OR10K2: variants seen among roughly 807,000 people sequenced by gnomAD.
The protein encoded by OR10K2 is olfactory receptor 10K2.
For synonymous variants in OR10K2, 169 were observed against 146.4 expected, an observed-to-expected ratio of 1.15 and a Z score of -1.11; for missense variants, 401 against 367.1, an observed-to-expected ratio of 1.09 and a Z score of -0.76.
At chr1:158,422,054 C>T (rs1655167387) in intron 1 of OR10K2, among the ~76,000 whole-genome samples, 1 of 152,086 alleles carries the variant, frequency 6.6e-6, no homozygotes. Context: ...TCAGAACTCA[C>T]ATAAGACATT....
At chr1:158,425,228 G>A (rs539637766) in intron 1 of OR10K2, among the ~76,000 whole-genome samples, 1 of 152,176 alleles carries the variant, frequency 6.6e-6, no homozygotes, top group South Asian at 2.1e-4. Context: ...CAGAGTCACA[G>A]TTACAGCTGT....
chr1:158,422,380 A>G (rs1449888604), intron 1 of OR10K2, among the ~76,000 whole-genome samples: 1 of 152,116 alleles, frequency 6.6e-6, no homozygotes, highest in East Asian at 1.9e-4. Flanking sequence ...GCTCAGTGTC[A>G]AGAATGCTAA....
rs1299336127 is a variant in OR10K2, at chr1:158,420,157, G to A, written c.710C>T (p.Ala237Val). The A allele has an allele frequency of 1.4e-5, 22 of 1,613,536 alleles. 1 individual carries two copies. Among genetic ancestry groups the A allele is most frequent in the South Asian group, 3.3e-5 (3 of 91,076 alleles). ...QFPSTLGRCK[A>V]FSTCVSHLII... is the part of the protein sequence containing the mutation. The stretch of plus-strand genomic sequence containing the variant: ...GAGGTGAGATACACAGGTAGAAAAA[G>A]CTTTGCACCTACCCAGTGTGGAAGG... The change falls in exon 2 of 2, where the codon GCT becomes GTT. Residue 237 changes from alanine to valine, a missense_variant. Physicochemically the swap from Ala to Val is moderately conservative, Grantham distance 64. Transcript: ENST00000641042.
Position 158,420,841 on chromosome 1 carries a change from A to T in OR10K2, c.26T>A (p.Val9Glu). 6.2e-7 allele frequency: 1 copy of T among 1,613,446 alleles called. No homozygotes were observed. Among genetic ancestry groups the T allele is most frequent in the Admixed American group, 1.7e-5 (1 of 59,872 alleles). Residue 9 changes from valine (V) to glutamate (E), a missense_variant, in exon 2 of 2, where the codon GTG (valine) becomes GAG (glutamate). By Grantham distance (121) the Val-to-Glu change is moderately radical. Coordinates refer to ENST00000641042, the MANE Select transcript of OR10K2 (RefSeq NM_001004476.2). MERVNETV[V>E]REVIFLGFSS... is the part of the protein sequence containing the mutation. ...GAAGCCGAGGAAGATGACCTCTCTC[A>T]CCACAGTCTCATTGACCCGCTCCAT...
intron 1 of OR10K2, among the ~76,000 whole-genome samples, chr1:158,425,259 C>T (rs1304919515): frequency 1.3e-5 from 2 of 152,128 alleles, no homozygotes; most frequent in East Asian, 3.9e-4. Context: ...AAAGATCTAG[C>T]TTAGTAGTTT....
Position 158,419,885 on chromosome 1 carries a change from T to A in OR10K2, c.*43A>T. 1 of 1,544,764 alleles carries A rather than the reference T, an allele frequency of 6.5e-7. No homozygotes were observed. The highest frequency in any genetic ancestry group is 8.8e-7 in the Non-Finnish European group (1 of 1,134,826). On this transcript the variant is annotated 3_prime_UTR_variant, in exon 2 of 2. Transcript: ENST00000641042. Reference sequence around the variant, plus strand: ...TCTCAGCCTTCCAAAATGCTGGGATTACAGTCGTGAGAAACTGCACCTGGC... The same window carrying A: ...TCTCAGCCTTCCAAAATGCTGGGATAACAGTCGTGAGAAACTGCACCTGGC...
At chr1:158,421,876 A>G (rs1223743672) in intron 1 of OR10K2, among the ~76,000 whole-genome samples, 1 of 152,060 alleles carries the variant, frequency 6.6e-6, no homozygotes, top group African/African-American at 2.4e-5. Context: ...GGGATGTATC[A>G]CTATTGCCCA....
At position 158,426,080 on chromosome 1, in the gene OR10K2, T is replaced by G; in HGVS notation, c.-209A>C. On this transcript the variant is annotated 5_prime_UTR_variant, in exon 1 of 2. Transcript: ENST00000641042. The stretch of plus-strand genomic sequence containing the variant: ...GAGTGCTTCCATTTTTCTCTGCCTC[T>G]CCCTAAGAGAAGCCAGGGACATAGA... 1 of 152,084 alleles carries G rather than the reference T, an allele frequency of 6.6e-6. No homozygotes were observed. The highest frequency in any genetic ancestry group is 1.9e-4 in the East Asian group (1 of 5,178). 9.4% of individuals were successfully genotyped at this position (152,084 alleles called of 1,614,324 possible).
intron 1 of OR10K2, among the ~76,000 whole-genome samples, chr1:158,423,938 A>G (rs1433387834): frequency 6.6e-6 from 1 of 152,070 alleles, no homozygotes; most frequent in Non-Finnish European, 1.5e-5. Context: ...TCTAAGCACT[A>G]TAGATATAAT....
chr1:158,424,133 T>C (rs1250237916), intron 1 of OR10K2, among the ~76,000 whole-genome samples: 1 of 152,090 alleles, frequency 6.6e-6, no homozygotes, highest in East Asian at 1.9e-4. Flanking sequence ...GTAAGAATTT[T>C]AATAAAAGTA....
chr1:158,424,757 G>GTGTGTGTGTGTGTGT (rs1655219135), intron 1 of OR10K2, among the ~76,000 whole-genome samples: 4 of 150,754 alleles, frequency 2.7e-5, no homozygotes, highest in Non-Finnish European at 4.4e-5. Flanking sequence ...GTGTGTGTGT[G>GTGTGTGTGTGTGTGT]GTGAGAAAGG....
Position 158,420,018 on chromosome 1 carries a change from T to C in OR10K2, c.849A>G (p.Pro283=), listed in dbSNP as rs762970187. The C allele has an allele frequency of 3.1e-6, 5 of 1,613,368 alleles. No homozygotes were observed. The highest frequency in any genetic ancestry group is 1.1e-5 in the South Asian group (1 of 91,066). The stretch of plus-strand genomic sequence containing the variant: ...AGCTATAAATCATTGGGTTGAACAA[T>C]GGAGTTATAATAGTGTAGGATACTG... ...LISVSYTIIT[P]LFNPMIYSLR... Residue 283 remains proline, a synonymous_variant, in exon 2 of 2, where the codon CCA becomes CCG. Transcript: ENST00000641042.
rs764388026 is a variant in OR10K2 at position 158,420,350 on chromosome 1, G to C, written c.517C>G (p.Gln173Glu). Reference protein sequence around the residue: ...VFHLPFYSSNQLHHFFCDIAP... With the variant: ...VFHLPFYSSNELHHFFCDIAP... ...ATGTCACAGAAGAAGTGATGTAGTT[G>C]ATTGGAGGAATAAAAAGGCAGGTGA... The change falls in exon 2 of 2, where the codon CAA becomes GAA. Residue 173 changes from glutamine to glutamate, a missense_variant. By Grantham distance (29) the Gln-to-Glu change is conservative. Transcript: ENST00000641042. 6.2e-7 allele frequency: 1 copy of C among 1,613,916 alleles called. No homozygotes were observed.
chr1:158,420,338 A>G lies in OR10K2; in HGVS notation c.529T>C (p.Phe177Leu). 1.2e-6 allele frequency: 2 copies of G among 1,613,922 alleles called. No individual in the cohort carries two copies. The highest frequency in any genetic ancestry group is 1.7e-6 in the Non-Finnish European group (2 of 1,179,914). ...AGGACAGGAGCAATGTCACAGAAGA[A>G]GTGATGTAGTTGATTGGAGGAATAA... ...PFYSSNQLHH[F>L]FCDIAPVLKL... Residue 177 changes from phenylalanine to leucine, a missense_variant, in exon 2 of 2, where the codon TTC becomes CTC. Physicochemically the swap from Phe to Leu is conservative, Grantham distance 22 (BLOSUM62 0). Coordinates refer to ENST00000641042, the MANE Select transcript of OR10K2 (RefSeq NM_001004476.2).
At position 158,424,649 on chromosome 1, in the gene OR10K2, A is replaced by G. The variant is rs564508153; in HGVS notation, c.-62+1284T>C. 2.0e-4 allele frequency among the ~76,000 whole-genome samples: 31 copies of G among 152,126 alleles called. No individual in the cohort carries two copies. The East Asian group carries it at 5.4e-3, about 27-fold the overall frequency. Reference sequence around the variant, plus strand: ...TTTTATTACTTTTAATATCTTTATTATAAAGATAAGAAATTTGAGAATCAG... The same window carrying G: ...TTTTATTACTTTTAATATCTTTATTGTAAAGATAAGAAATTTGAGAATCAG... On this transcript the variant is annotated intron_variant, in intron 1 of 1. Coordinates refer to ENST00000641042, the MANE Select transcript of OR10K2 (RefSeq NM_001004476.2).
At chr1:158,423,143 T>A (rs1190224008) in intron 1 of OR10K2, among the ~76,000 whole-genome samples, 6 of 151,842 alleles carry the variant, frequency 4.0e-5, no homozygotes, top group African/African-American at 1.4e-4. Context: ...ATGTTCTACT[T>A]TATATCACTC....
At position 158,420,582 on chromosome 1, in the gene OR10K2, C is replaced by A. The variant is rs1199087542; in HGVS notation, c.285G>T (p.Leu95=). ...AGGAAAACATTTGGATGGCACAGCC[C>A]AGGAAAGAAATGGTCTTCTTCTGGG... ...LLSQKKTISF[L]GCAIQMFSFL... Residue 95 remains leucine, a synonymous_variant, in exon 2 of 2, where the codon CTG becomes CTT. Transcript: ENST00000641042. 1.2e-6 allele frequency: 2 copies of A among 1,613,766 alleles called. No homozygotes were observed. The highest frequency in any genetic ancestry group is 1.6e-4 in the Middle Eastern group (1 of 6,080).
At position 158,425,958 on chromosome 1, in the gene OR10K2, C is replaced by G. The variant is rs2101649625; in HGVS notation, c.-87G>C. 6.6e-6 allele frequency: 1 copy of G among 152,130 alleles called. No individual in the cohort carries two copies. Among genetic ancestry groups the G allele is most frequent in the African/African-American group, 2.4e-5 (1 of 41,524 alleles). 9.4% of individuals were successfully genotyped at this position (152,130 alleles called of 1,614,324 possible). A position where few individuals can be genotyped will look rare whatever the true frequency, so the allele number is the denominator to read the frequency against. ...CTGAAATGTGAAAACATAAGTCCTG[C>G]CAGAGGATAGATGTTTATTTTCATT... is the stretch of plus-strand genomic sequence containing the variant. On this transcript the variant is annotated 5_prime_UTR_variant, in exon 1 of 2. Transcript: ENST00000641042.
Position 158,420,120 on chromosome 1 carries a change from A to G in OR10K2, c.747T>C (p.Thr249=). Residue 249 remains threonine (T), a synonymous_variant, in exon 2 of 2, where the codon ACT becomes ACC. Transcript: ENST00000641042. The part of the protein sequence containing the change: ...STCVSHLIIV[T]VHYGCASFIY... Reference sequence around the variant, plus strand: ...TAAAGGAGGCACAGCCATAGTGGACAGTGACAATAATGAGGTGAGATACAC... The same window carrying G: ...TAAAGGAGGCACAGCCATAGTGGACGGTGACAATAATGAGGTGAGATACAC... The G allele has an allele frequency of 6.2e-7, 1 of 1,613,774 alleles. No individual in the cohort carries two copies. Among genetic ancestry groups the G allele is most frequent in the Non-Finnish European group, 8.5e-7 (1 of 1,179,848 alleles).
Sources: gnomAD v4.1 joint callset for allele counts (sites outside exome capture counted in the v4.1 genomes callset) on GRCh38, gnomAD v4.1.1 for gene constraint, MANE v1.5 for transcripts, NCBI Gene and HGNC (gene_info 2026-07-23, HGNC 2026-07-21) for gene names.